The following GPR158 variants were observed in gnomAD, a reference collection of about 807,000 sequenced individuals.
GPR158 encodes metabotropic glycine receptor.
In GPR158, 30 loss-of-function variants were observed where a neutral mutation model predicts 78.2. The observed-to-expected ratio is 0.38, with a 90% CI of 0.29 to 0.52. The LOEUF (loss-of-function observed/expected upper bound fraction) is 0.52. Among genes scored for constraint, GPR158 ranks in the 20% least tolerant of loss-of-function variants. GPR158 has a pLI of 0.83. For missense variants in GPR158, 1,463 were observed against 1,523.5 expected, an observed-to-expected ratio of 0.96 and a Z score of 0.66; for synonymous variants, 581 against 591.1, an observed-to-expected ratio of 0.98 and a Z score of 0.25.
chr10:25,238,964 G>A (rs1430139429), intron 2 of GPR158, among the ~76,000 whole-genome samples: 5 of 152,168 alleles, frequency 3.3e-5, no homozygotes, highest in African/African-American at 1.2e-4. Flanking sequence ...GTGGTATTGT[G>A]TGGTCTAATG....
intron 1 of GPR158, among the ~76,000 whole-genome samples, chr10:25,210,490 G>C (rs895751060): frequency 7.2e-5 from 11 of 152,098 alleles, no homozygotes; most frequent in African/African-American, 2.7e-4. Flanking sequence ...CACCAGCAGG[G>C]TTCCTATAGC....
chr10:25,253,659 A>G (rs1246240165), intron 2 of GPR158, among the ~76,000 whole-genome samples: 1 of 152,216 alleles, frequency 6.6e-6, no homozygotes, highest in Non-Finnish European at 1.5e-5. Flanking sequence ...ATGATGCTCT[A>G]TAAACATATG....
chr10:25,505,233 A>G (rs1835995031), intron 5 of GPR158, among the ~76,000 whole-genome samples: 1 of 152,188 alleles, frequency 6.6e-6, no homozygotes, highest in African/African-American at 2.4e-5. Flanking sequence ...GAGATGTGTG[A>G]GGTATGTTCT....
intron 4 of GPR158, among the ~76,000 whole-genome samples, chr10:25,417,034 A>G (rs1834672367): frequency 6.6e-6 from 1 of 152,104 alleles, no homozygotes; most frequent in Non-Finnish European, 1.5e-5. Context: ...TGGGAGGAAA[A>G]AAAAAATAAG....
At chr10:25,369,075 A>G (rs1267097754) in intron 2 of GPR158, among the ~76,000 whole-genome samples, 1 of 151,342 alleles carries the variant, frequency 6.6e-6, no homozygotes, top group Non-Finnish European at 1.5e-5. Context: ...GGGCTGAGAC[A>G]ATGGGGTTTT....
At chr10:25,586,604 G>A (rs769036224) in intron 7 of GPR158, among the ~76,000 whole-genome samples, 1 of 151,714 alleles carries the variant, frequency 6.6e-6, no homozygotes, top group Non-Finnish European at 1.5e-5. Context: ...GTAGAGACAG[G>A]GTTTCACCAA....
chr10:25,269,124 T>TA (rs985612330), intron 2 of GPR158, among the ~76,000 whole-genome samples: 10 of 152,154 alleles, frequency 6.6e-5, no homozygotes, highest in Admixed American at 1.3e-4. Context: ...TTCATTCAGT[T>TA]AAAAAAATGA....
chr10:25,224,153 A>C (rs1000730440), intron 2 of GPR158, among the ~76,000 whole-genome samples: 1 of 152,194 alleles, frequency 6.6e-6, no homozygotes, highest in African/African-American at 2.4e-5. Flanking sequence ...ACTAATCTAG[A>C]TTACTGTAAA....
intron 2 of GPR158, among the ~76,000 whole-genome samples, chr10:25,298,459 C>T (rs1011213191): frequency 1.3e-5 from 2 of 152,114 alleles, no homozygotes; most frequent in Non-Finnish European, 2.9e-5. Context: ...TAAAAGAGAA[C>T]TATTGCAAAT....
chr10:25,564,095 T>C (rs564661426), intron 6 of GPR158, among the ~76,000 whole-genome samples: 1 of 152,336 alleles, frequency 6.6e-6, no homozygotes, highest in South Asian at 2.1e-4. Context: ...TGAAGTCTCT[T>C]TTCTGTTGGG....
At chr10:25,181,996 G>A (rs1252177539) in intron 1 of GPR158, among the ~76,000 whole-genome samples, 1 of 151,984 alleles carries the variant, frequency 6.6e-6, no homozygotes, top group Non-Finnish European at 1.5e-5. Context: ...GAGATTACAG[G>A]TGTGAGCCAT....
chr10:25,534,931 TC>T (rs377752841), intron 5 of GPR158, among the ~76,000 whole-genome samples: 3 of 152,218 alleles, frequency 2.0e-5, no homozygotes, highest in African/African-American at 7.2e-5. Context: ...TCTCAGCAGT[TC>T]TTAGTCAAGA....
intron 2 of GPR158, among the ~76,000 whole-genome samples, chr10:25,337,942 TA>T (rs1855232724): frequency 6.6e-6 from 1 of 152,024 alleles, no homozygotes; most frequent in Non-Finnish European, 1.5e-5. Context: ...TTGAAATTAA[TA>T]TTTAAGTATT....
At position 25,559,397 on chromosome 10, in the gene GPR158, T is replaced by TAC. The variant is rs538492062; in HGVS notation, c.1514+8314_1514+8315dup. Among the ~76,000 whole-genome samples the TAC allele has an allele frequency of 3.9e-5, 6 of 152,364 alleles. No individual in the cohort carries two copies. The East Asian group carries it at 1.2e-3, about 29-fold the overall frequency. ...TTATGCTGGAGAGAGAGTAAATTGA[T>TAC]ACAGCTCATCTGAAATATGTAGCAA... On this transcript the variant is annotated intron_variant, in intron 6 of 10. Transcript: ENST00000376351.
intron 2 of GPR158, among the ~76,000 whole-genome samples, chr10:25,307,720 A>G (rs1289593164): frequency 1.3e-5 from 2 of 152,040 alleles, no homozygotes; most frequent in East Asian, 1.9e-4. Flanking sequence ...ATAATTCTCT[A>G]TCAGTTCTTA....
Position 25,324,831 on chromosome 10 carries a change from C to CTTTCTTTCTTTCTTTCTTTCT in GPR158, c.1009-71077_1009-71076insCTTTCTTTCTTTCTTTCTTTT, listed in dbSNP as rs746272253. ...GGTAATTGTATTTTCTTTTTTCTTT[C>CTTTCTTTCTTTCTTTCTTTCT]TTTTTTTTTTTTTTTTTGAGACATT... is the stretch of plus-strand genomic sequence containing the variant. On this transcript the variant is annotated intron_variant, in intron 2 of 10. Coordinates refer to ENST00000376351, the MANE Select transcript of GPR158 (RefSeq NM_020752.3). 4.1e-3 allele frequency among the ~76,000 whole-genome samples: 515 copies of CTTTCTTTCTTTCTTTCTTTCT among 125,302 alleles called. 5 individuals are homozygous for CTTTCTTTCTTTCTTTCTTTCT. Among genetic ancestry groups the CTTTCTTTCTTTCTTTCTTTCT allele is most frequent in the African/African-American group, 0.015 (484 of 32,286 alleles). 82.2% of individuals were successfully genotyped at this position (125,302 alleles called of 152,430 possible).
At chr10:25,455,733 T>C (rs1237171225) in intron 4 of GPR158, among the ~76,000 whole-genome samples, 1 of 152,196 alleles carries the variant, frequency 6.6e-6, no homozygotes, top group Non-Finnish European at 1.5e-5. Context: ...TATCAAGATA[T>C]GTAATTGCAA....
At chr10:25,336,317 C>A (rs1855205943) in intron 2 of GPR158, among the ~76,000 whole-genome samples, 1 of 151,988 alleles carries the variant, frequency 6.6e-6, no homozygotes, top group Non-Finnish European at 1.5e-5. Flanking sequence ...AATAGCATGA[C>A]AAATATTATG....
At chr10:25,397,949 C>T (rs761487219) in intron 3 of GPR158, among the ~76,000 whole-genome samples, 1 of 152,182 alleles carries the variant, frequency 6.6e-6, no homozygotes, top group Non-Finnish European at 1.5e-5. Context: ...AAGAAGTAAG[C>T]TACTTTGTTG....
Sources: gnomAD v4.1 joint callset for allele counts (sites outside exome capture counted in the v4.1 genomes callset) on GRCh38, gnomAD v4.1.1 for gene constraint, MANE v1.5 for transcripts, NCBI Gene and HGNC (gene_info 2026-07-23, HGNC 2026-07-21) for gene names.